The following ASAP3 variants were observed in gnomAD, a reference collection of about 807,000 sequenced individuals.
ASAP3 encodes the protein arf-GAP with SH3 domain, ANK repeat and PH domain-containing protein 3.
In ASAP3, 85 loss-of-function variants were observed where a neutral mutation model predicts 118.2. The observed-to-expected ratio is 0.72, with a 90% CI of 0.60 to 0.86. The LOEUF is 0.86. ASAP3 is among the 40% of genes least tolerant of loss of function. The pLI is 0.00. For missense variants in ASAP3, 1,026 were observed against 1,175.0 expected (o/e 0.87, Z 1.85); for synonymous variants, 432 against 477.4 (o/e 0.90, Z 1.24).
In ASAP3 at chr1:23,437,109, G is replaced by GC; in HGVS notation, c.1342+20dup. On this transcript the variant is annotated intron_variant, in intron 14 of 24. Transcript: ENST00000336689. This position sits in a 1 kb window ranked among gnomAD's most constrained non-coding sequence, Gnocchi z 6.1. ...TCCCCTCCACTTAAGCCTCCCTCCT[G>GC]CCCCGGCCCCGGGGACCGACCTGCA... The GC allele has an allele frequency of 6.2e-7, 1 of 1,600,690 alleles. No individual in the cohort carries two copies.
chr1:23,454,056 G>A (rs1641307399), intron 3 of ASAP3, among the ~76,000 whole-genome samples: 1 of 151,822 alleles, frequency 6.6e-6, no homozygotes, highest in African/African-American at 2.4e-5. Context: ...GTCTTGCTTT[G>A]TCACCCAGGC....
chr1:23,455,819 T>A, intron 3 of ASAP3, 62 bp downstream of exon 3: 1 of 1,592,586 alleles, frequency 6.3e-7, no homozygotes, highest in Non-Finnish European at 8.6e-7. Flanking sequence ...CCTTTCCCAG[T>A]CAGGTTCTTA....
intron 1 of ASAP3, among the ~76,000 whole-genome samples, chr1:23,459,375 T>C (rs1641494527): frequency 6.6e-6 from 1 of 152,112 alleles, no homozygotes; most frequent in Non-Finnish European, 1.5e-5. Flanking sequence ...TCCCATCCCA[T>C]GACACCCATT....
At position 23,481,180 on chromosome 1, in the gene ASAP3, A is replaced by G. The variant is rs61778889; in HGVS notation, c.129+2825T>C. On this transcript the variant is annotated intron_variant, in intron 1 of 24. Coordinates refer to ENST00000336689, the MANE Select transcript of ASAP3 (RefSeq NM_017707.4). The stretch of plus-strand genomic sequence containing the variant: ...AGAGTTTCTAGCTGGTCTCTATCTT[A>G]AAAGGGTCCCTCAGCCCTGACATTC... 8.7e-4 allele frequency among the ~76,000 whole-genome samples: 132 copies of G among 152,020 alleles called. 1 individual carries two copies. The highest frequency in any genetic ancestry group is 1.5e-3 in the Non-Finnish European group (103 of 68,016).
intron 22 of ASAP3, 87 bp from the exon 23 acceptor site, chr1:23,432,005 T>TA (rs11438812): frequency 0.57 from 391,182 of 687,512 alleles, 62,966 homozygotes; most frequent in Admixed American, 0.65. Context: ...GCCTCTAGGA[T>TA]TTTTTTTTTT....
rs769380223 is a variant in ASAP3 at position 23,439,154 on chromosome 1, G to A, written c.1014+7C>T. 2 of 1,613,790 alleles carry A rather than the reference G, an allele frequency of 1.2e-6. No homozygotes were observed. The highest frequency in any genetic ancestry group is 1.7e-6 in the Non-Finnish European group (2 of 1,179,764). On this transcript the variant is annotated splice_region_variant and intron_variant, in intron 11 of 24. Transcript: ENST00000336689. ...GCCCTGAGACTCCCACCACCTCTAG[G>A]CCTCACCGTGCTGTGTGAGATGGTC... is the stretch of plus-strand genomic sequence containing the variant.
intron 3 of ASAP3, among the ~76,000 whole-genome samples, chr1:23,453,885 A>G (rs527308925): frequency 1.3e-5 from 2 of 152,328 alleles, no homozygotes; most frequent in South Asian, 4.1e-4. Flanking sequence ...TCTCTGAGGC[A>G]GTCTGACACT....
rs568738030 is a variant in ASAP3, at chr1:23,439,813, T to TTTTTG, written c.945-588_945-584dup. ...CTTTGCATTTCACAGCAGTTTTGTTTTTTTGTTTTGTTTTGTTTTGAGACA... is the reference window on the plus strand; with the variant it reads ...CTTTGCATTTCACAGCAGTTTTGTTTTTTTGTTTTGTTTTGTTTTGTTTTGAGACA... On this transcript the variant is annotated intron_variant, in intron 10 of 24. Coordinates refer to ENST00000336689, the MANE Select transcript of ASAP3 (RefSeq NM_017707.4). 2.1e-4 allele frequency among the ~76,000 whole-genome samples: 32 copies of TTTTTG among 152,238 alleles called. No homozygotes were observed. The East Asian group carries it at 4.8e-3, about 23-fold the overall frequency.
chr1:23,440,557 T>C (rs1482987629), intron 10 of ASAP3, among the ~76,000 whole-genome samples: 1 of 76,830 alleles, frequency 1.3e-5, no homozygotes, highest in East Asian at 4.5e-4. Flanking sequence ...AGTGTTGCAA[T>C]AAGTGTTAGC....
Position 23,428,605 on chromosome 1 carries a change from A to C in ASAP3, c.*1251T>G, listed in dbSNP as rs1307837395. ...TTTATTAGAGATGAGTGAAATAACA[A>C]GTCTGAGATGAATGAAACCAGACAC... On this transcript the variant is annotated 3_prime_UTR_variant, in exon 25 of 25. Coordinates refer to ENST00000336689, the MANE Select transcript of ASAP3 (RefSeq NM_017707.4). 4 of 152,288 alleles carry C rather than the reference A, an allele frequency of 2.6e-5. No individual in the cohort carries two copies. Among genetic ancestry groups the C allele is most frequent in the Non-Finnish European group, 4.4e-5 (3 of 68,072 alleles). 9.4% of individuals were successfully genotyped at this position (152,288 alleles called of 1,614,324 possible).
intron 5 of ASAP3, among the ~76,000 whole-genome samples, chr1:23,449,449 G>A (rs1252304150): frequency 6.6e-6 from 1 of 152,208 alleles, no homozygotes; most frequent in Non-Finnish European, 1.5e-5. Flanking sequence ...TATATGAACA[G>A]CCAGGGGTGA....
intron 5 of ASAP3, among the ~76,000 whole-genome samples, chr1:23,451,271 G>T (rs1164365730): frequency 6.6e-6 from 1 of 152,162 alleles, no homozygotes; most frequent in Non-Finnish European, 1.5e-5. Context: ...AGCATCCTGA[G>T]GTCCCTTCAC....
chr1:23,465,621 C>T (rs1641742955), intron 1 of ASAP3, among the ~76,000 whole-genome samples: 1 of 152,024 alleles, frequency 6.6e-6, no homozygotes, highest in Admixed American at 6.6e-5. Flanking sequence ...CCTGCCTCAG[C>T]CTCCTGAGTA....
In ASAP3 at chr1:23,436,378, G is replaced by C. The variant is rs1249277007; in HGVS notation, c.1571+182C>G. On this transcript the variant is annotated intron_variant, in intron 16 of 24. Coordinates refer to ENST00000336689, the MANE Select transcript of ASAP3 (RefSeq NM_017707.4). The surrounding 1 kb of genome is among the most constrained non-coding windows in gnomAD (Gnocchi z 4.2). ...GGGTTTTGCCATCTTAGCCGGGCTGGTCTCAAATTCCTGACCTCAAGTGAT... is the reference window on the plus strand; with the variant it reads ...GGGTTTTGCCATCTTAGCCGGGCTGCTCTCAAATTCCTGACCTCAAGTGAT... Among the ~76,000 whole-genome samples the C allele has an allele frequency of 1.3e-5, 2 of 152,206 alleles. No individual in the cohort carries two copies. The highest frequency in any genetic ancestry group is 2.9e-5 in the Non-Finnish European group (2 of 68,030).
upstream of ASAP3, chr1:23,484,207 C>T (rs567943338): frequency 5.0e-5 from 60 of 1,205,146 alleles, no homozygotes; most frequent in African/African-American, 6.3e-5. Flanking sequence ...GCCGGCCTCA[C>T]CGCCGGCCGG....
intron 1 of ASAP3, among the ~76,000 whole-genome samples, chr1:23,467,298 G>A (rs1429126848): frequency 6.6e-6 from 1 of 150,774 alleles, no homozygotes; most frequent in Non-Finnish European, 1.5e-5. Flanking sequence ...CACCTCCTGG[G>A]TTCATGCCAT....
chr1:23,467,272 G>A (rs1019285830), intron 1 of ASAP3, among the ~76,000 whole-genome samples: 2 of 150,062 alleles, frequency 1.3e-5, no homozygotes, highest in African/African-American at 4.9e-5. Flanking sequence ...GCGTGATCTC[G>A]GCTCACTGCA....
intron 5 of ASAP3, among the ~76,000 whole-genome samples, chr1:23,444,099 C>A (rs1212881131): frequency 6.6e-6 from 1 of 152,138 alleles, no homozygotes; most frequent in African/African-American, 2.4e-5. Flanking sequence ...TGAACTCGGG[C>A]CTCAAGTGAT....
Position 23,451,870 on chromosome 1 carries a change from C to T in ASAP3, c.424-342G>A, listed in dbSNP as rs1354534267. On this transcript the variant is annotated intron_variant, in intron 4 of 24. Coordinates refer to ENST00000336689, the MANE Select transcript of ASAP3 (RefSeq NM_017707.4). ...GCTCAGAAGAGAGATCAGTCATGAC[C>T]ATGAGGATGGGAGGATGAAGGCCAA... Among the ~76,000 whole-genome samples, 4 of 152,328 alleles carry T rather than the reference C, an allele frequency of 2.6e-5. No homozygotes were observed. In the East Asian group the frequency reaches 7.7e-4, roughly 29 times the overall value.
Sources: gnomAD v4.1 joint callset for allele counts (sites outside exome capture counted in the v4.1 genomes callset) on GRCh38, gnomAD v4.1.1 for gene constraint, Gnocchi (gnomAD v3.1) non-coding constraint, MANE v1.5 for transcripts, NCBI Gene and HGNC (gene_info 2026-07-23, HGNC 2026-07-21) for gene names.